The following PCSK2 variants were observed in gnomAD, a reference collection of about 807,000 sequenced individuals.
The protein encoded by PCSK2 is proprotein convertase subtilisin/kexin type 2, also known as neuroendocrine convertase 2.
PCSK2 carries 14 observed loss-of-function variants against 69.7 expected under a neutral mutation model. The observed-to-expected ratio is 0.20, with a 90% CI of 0.13 to 0.31. The LOEUF is 0.31. Among genes scored for constraint, PCSK2 ranks in the 10% least tolerant of loss-of-function variants. The pLI is 1.00. For synonymous variants in PCSK2, 307 were observed against 320.7 expected (o/e 0.96, Z 0.46); for missense variants, 544 against 842.5 (o/e 0.65, Z 4.39).
chr20:17,328,311 G>T (rs1325810541), intron 2 of PCSK2, among the ~76,000 whole-genome samples: 1 of 150,466 alleles, frequency 6.6e-6, no homozygotes, highest in African/African-American at 2.4e-5. Context: ...ATGTGTGTGT[G>T]TATTTTAATA....
At chr20:17,283,797 A>G (rs1323560178) in intron 2 of PCSK2, among the ~76,000 whole-genome samples, 2 of 152,160 alleles carry the variant, frequency 1.3e-5, no homozygotes, top group East Asian at 1.9e-4. Flanking sequence ...CACGTTGCTT[A>G]CCCTACCTAC....
At chr20:17,377,818 T>TA (rs2030971332) in intron 5 of PCSK2, among the ~76,000 whole-genome samples, 1 of 152,240 alleles carries the variant, frequency 6.6e-6, no homozygotes, top group Admixed American at 6.5e-5. Flanking sequence ...TATTTATTTT[T>TA]ACAGAAACAT....
chr20:17,377,340 G>T (rs2030956843), intron 5 of PCSK2, among the ~76,000 whole-genome samples: 1 of 152,174 alleles, frequency 6.6e-6, no homozygotes, highest in South Asian at 2.1e-4. Context: ...TCTTTAGATG[G>T]GTCCTGACAG....
Position 17,482,128 on chromosome 20 carries a change from T to TCCAC in PCSK2, c.*59_*62dup. On this transcript the variant is annotated 3_prime_UTR_variant, in exon 12 of 12. Transcript: ENST00000262545. ...TCCCCAGCTCCGCCTCTGTCCTCGC[T>TCCAC]CCACGTTTCAGGCAGGCACCTAGCA... The TCCAC allele has an allele frequency of 6.7e-7, 1 of 1,489,900 alleles. No homozygotes were observed. The highest frequency in any genetic ancestry group is 8.9e-7 in the Non-Finnish European group (1 of 1,122,836). The allele number at this position is 1,489,900 out of a possible 1,614,324, so 92.3% of individuals were successfully genotyped here.
At chr20:17,409,200 A>T in intron 5 of PCSK2, 63 bp from the exon 6 acceptor site, 1 of 1,242,672 alleles carries the variant, frequency 8.0e-7, no homozygotes, top group East Asian at 2.3e-5. Flanking sequence ...AAAGTCTCCC[A>T]GCGCTTTCCC....
At chr20:17,391,949 G>GAAGGAAGGAA (rs377564885) in intron 5 of PCSK2, among the ~76,000 whole-genome samples, 1 of 75,124 alleles carries the variant, frequency 1.3e-5, no homozygotes, top group African/African-American at 5.2e-5. Context: ...AGGAAGGAAG[G>GAAGGAAGGAA]GGAAGGGAAA....
chr20:17,323,374 C>T (rs1392625534), intron 2 of PCSK2, among the ~76,000 whole-genome samples: 1 of 152,164 alleles, frequency 6.6e-6, no homozygotes, highest in African/African-American at 2.4e-5. Flanking sequence ...CAAAACATGC[C>T]AACACCTTGA....
intron 2 of PCSK2, among the ~76,000 whole-genome samples, chr20:17,260,933 AT>A (rs939969492): frequency 2.6e-5 from 4 of 151,738 alleles, no homozygotes; most frequent in African/African-American, 9.7e-5. Context: ...CATCACCCCC[AT>A]TTTTTTAATC....
intron 7 of PCSK2, 21 bp from the exon 8 acceptor site, chr20:17,436,687 C>T: frequency 6.2e-7 from 1 of 1,600,054 alleles, no homozygotes; most frequent in South Asian, 1.1e-5. Context: ...ACATGGTGTC[C>T]TCTGCTCAAC....
intron 2 of PCSK2, among the ~76,000 whole-genome samples, chr20:17,307,286 T>G (rs73094468): frequency 0.25 from 37,579 of 152,136 alleles, 4,892 homozygotes; most frequent in South Asian, 0.37. Context: ...AAATCATAGA[T>G]GAAGAATAAT....
chr20:17,314,468 G>T (rs780877617), intron 2 of PCSK2, among the ~76,000 whole-genome samples: 9 of 152,198 alleles, frequency 5.9e-5, no homozygotes, highest in Admixed American at 1.3e-4. Context: ...TTTGGCAATT[G>T]TGAGCTAACA....
chr20:17,435,448 C>T (rs931592440), intron 7 of PCSK2, among the ~76,000 whole-genome samples: 10 of 152,184 alleles, frequency 6.6e-5, no homozygotes, highest in Admixed American at 2.0e-4. Flanking sequence ...CCTCGAGTCT[C>T]CTGAGGACTG....
At chr20:17,382,369 C>CA (rs2031111508) in intron 5 of PCSK2, among the ~76,000 whole-genome samples, 1 of 152,270 alleles carries the variant, frequency 6.6e-6, no homozygotes, top group South Asian at 2.1e-4. Context: ...AACTGAAGAT[C>CA]AGAGAGGCTA....
At chr20:17,440,229 GA>G (rs1277322359) in intron 8 of PCSK2, among the ~76,000 whole-genome samples, 2 of 152,140 alleles carry the variant, frequency 1.3e-5, no homozygotes, top group Non-Finnish European at 2.9e-5. Flanking sequence ...CTGGGAGAGT[GA>G]AAAATGCAAA....
In PCSK2 at chr20:17,229,437, G is replaced by A. The variant is rs533636783; in HGVS notation, c.177+1955G>A. 2.1e-3 allele frequency among the ~76,000 whole-genome samples: 309 copies of A among 148,994 alleles called. 3 individuals are homozygous for A. The highest frequency in any genetic ancestry group is 7.0e-3 in the African/African-American group (285 of 40,738). Reference sequence around the variant, plus strand: ...CTCCCCCACACCTTTTCATGGGTGCGGGGGAGTGGGAGGGAGCCATAGGTT... The same window carrying A: ...CTCCCCCACACCTTTTCATGGGTGCAGGGGAGTGGGAGGGAGCCATAGGTT... On this transcript the variant is annotated intron_variant, in intron 1 of 11. Coordinates refer to ENST00000262545, the MANE Select transcript of PCSK2 (RefSeq NM_002594.5).
At chr20:17,439,861 A>G (rs2032560753) in intron 8 of PCSK2, among the ~76,000 whole-genome samples, 1 of 152,228 alleles carries the variant, frequency 6.6e-6, no homozygotes, top group Non-Finnish European at 1.5e-5. Flanking sequence ...GGACACAGCC[A>G]GGCCCTTCCA....
intron 2 of PCSK2, among the ~76,000 whole-genome samples, chr20:17,335,876 GT>G (rs1196641862): frequency 6.6e-6 from 1 of 151,610 alleles, no homozygotes; most frequent in Non-Finnish European, 1.5e-5. Context: ...GTGTGTGTGT[GT>G]GTGTGTGTGT....
chr20:17,480,208 G>A (rs1236977249), intron 11 of PCSK2, among the ~76,000 whole-genome samples: 2 of 22,720 alleles, frequency 8.8e-5, no homozygotes, highest in Admixed American at 4.5e-4. Context: ...TTTTTTTTTT[G>A]AGGCAGAGTC....
intron 2 of PCSK2, among the ~76,000 whole-genome samples, chr20:17,322,824 C>T (rs2123135129): frequency 6.6e-6 from 1 of 152,290 alleles, no homozygotes; most frequent in South Asian, 2.1e-4. Context: ...ACCTTCATGA[C>T]TTAATCACTT....
Sources: allele counts gnomAD v4.1 joint callset (sites outside exome capture counted in the v4.1 genomes callset), GRCh38; gene constraint gnomAD v4.1.1; transcripts MANE v1.5; gene names NCBI Gene and HGNC (gene_info 2026-07-23, HGNC 2026-07-21).